GON4L: variants seen among roughly 807,000 people sequenced by gnomAD.
The protein encoded by GON4L is GON-4-like protein.
A neutral mutation model predicts 211.8 loss-of-function variants in GON4L; 87 were observed. The observed-to-expected ratio is 0.41, with a 90% CI of 0.35 to 0.49. GON4L has a LOEUF of 0.49. Ranked by LOEUF, GON4L falls within the 20% of genes least tolerant of loss-of-function variation. GON4L has a pLI of 0.15. For missense variants in GON4L, 2,155 were observed against 2,659.5 expected (o/e 0.81, Z 4.17); for synonymous variants, 875 against 962.6 (o/e 0.91, Z 1.68).
chr1:155,834,939 G>T (rs534327471), intron 2 of GON4L, among the ~76,000 whole-genome samples: 29 of 152,114 alleles, frequency 1.9e-4, no homozygotes, highest in African/African-American at 6.0e-4. Flanking sequence ...GGGAAGTGAG[G>T]AGCCCCTCTG....
chr1:155,759,715 C>T (rs984410367), intron 24 of GON4L, among the ~76,000 whole-genome samples: 2 of 151,724 alleles, frequency 1.3e-5, no homozygotes, highest in Non-Finnish European at 2.9e-5. Context: ...AGAATAATCC[C>T]GTTCCTCCCT....
At chr1:155,755,329 A>G (rs966820145) in intron 27 of GON4L, among the ~76,000 whole-genome samples, 9 of 152,206 alleles carry the variant, frequency 5.9e-5, no homozygotes, top group Middle Eastern at 3.4e-3. Flanking sequence ...TTGGCCTTGC[A>G]AAGTGCTGGC....
intron 5 of GON4L, among the ~76,000 whole-genome samples, chr1:155,821,273 A>T (rs1168560903): frequency 2.0e-5 from 3 of 151,182 alleles, no homozygotes; most frequent in Non-Finnish European, 3.0e-5. Flanking sequence ...CTCAAAAAAA[A>T]ATAATAATAA....
intron 2 of GON4L, among the ~76,000 whole-genome samples, chr1:155,837,985 T>C (rs962455059): frequency 5.9e-5 from 9 of 152,194 alleles, no homozygotes; most frequent in Admixed American, 5.2e-4. Context: ...TAATAAAGAC[T>C]GGGTGCTGTC....
At chr1:155,853,149 C>G in intron 2 of GON4L, 127 bp downstream of exon 2, 1 of 898,700 alleles carries the variant, frequency 1.1e-6, no homozygotes, top group Non-Finnish European at 1.9e-6. Flanking sequence ...CTTAGCAACA[C>G]AGCAGTTCCA....
chr1:155,845,681 G>T lies in GON4L; in HGVS notation c.505+7595C>A. 3 of 304,814 alleles carry T rather than the reference G, an allele frequency of 9.8e-6. No individual in the cohort carries two copies. In the South Asian group the frequency reaches 1.1e-4, roughly 11 times the overall value. 18.9% of individuals were successfully genotyped at this position (304,814 alleles called of 1,614,324 possible). On this transcript the variant is annotated intron_variant, in intron 2 of 31. Transcript: ENST00000368331. Reference sequence around the variant, plus strand: ...CATAGGCCCTAAACTACACAAGAATGACACTGCCTTCAATGAAATCATGAA... The same window carrying T: ...CATAGGCCCTAAACTACACAAGAATTACACTGCCTTCAATGAAATCATGAA...
At chr1:155,841,243 AT>A (rs1451678792) in intron 2 of GON4L, among the ~76,000 whole-genome samples, 1 of 152,146 alleles carries the variant, frequency 6.6e-6, no homozygotes, top group Non-Finnish European at 1.5e-5. Context: ...CTAATTCTTT[AT>A]GTGTTGTTTT....
At chr1:155,777,579 A>T in intron 15 of GON4L, 43 bp downstream of exon 15, 1 of 859,396 alleles carries the variant, frequency 1.2e-6, no homozygotes, top group Non-Finnish European at 1.7e-6. Context: ...ACTCTGTCTC[A>T]AAAAAAAAAA....
At chr1:155,769,643 TCCCCCTA>T (rs1662965527) in intron 19 of GON4L, among the ~76,000 whole-genome samples, 4 of 151,200 alleles carry the variant, frequency 2.6e-5, no homozygotes, top group Admixed American at 2.6e-4. Flanking sequence ...TCCAGCCCCA[TCCCCCTA>T]AAAATGCGAT....
intron 28 of GON4L, 26 bp downstream of exon 28, chr1:155,754,349 C>A: frequency 7.2e-7 from 1 of 1,381,696 alleles, no homozygotes; most frequent in South Asian, 1.2e-5. Flanking sequence ...CTCTGATACC[C>A]TCGGGACCCT....
At chr1:155,769,191 G>A (rs1157100299) in intron 19 of GON4L, among the ~76,000 whole-genome samples, 2 of 152,022 alleles carry the variant, frequency 1.3e-5, no homozygotes, top group Admixed American at 6.6e-5. Context: ...GCCCAGGCTG[G>A]TCTTGAACTC....
At chr1:155,826,779 T>G in intron 3 of GON4L, 58 bp downstream of exon 3, 1 of 1,154,940 alleles carries the variant, frequency 8.7e-7, no homozygotes, top group Non-Finnish European at 1.3e-6. Context: ...TGCAGTTTTC[T>G]ACATATTATA....
intron 10 of GON4L, among the ~76,000 whole-genome samples, chr1:155,807,703 C>CAAAAAAAAAAAAAAAAAAAAA (rs61248477): frequency 3.8e-5 from 2 of 52,886 alleles, no homozygotes; most frequent in Non-Finnish European, 3.0e-5. Context: ...GACTCCGTCT[C>CAAAAAAAAAAAAAAAAAAAAA]AAAAAAAAAA....
intron 31 of GON4L, among the ~76,000 whole-genome samples, chr1:155,751,104 A>G (rs1660532069): frequency 6.6e-6 from 1 of 151,966 alleles, no homozygotes; most frequent in Non-Finnish European, 1.5e-5. Context: ...TATGAAGCAC[A>G]ATATACTGAT....
At chr1:155,770,577 G>A (rs1382621181) in intron 19 of GON4L, among the ~76,000 whole-genome samples, 2 of 151,976 alleles carry the variant, frequency 1.3e-5, no homozygotes, top group Non-Finnish European at 2.9e-5. Flanking sequence ...AACCAGGTGC[G>A]GTGGCTCATG....
intron 9 of GON4L, 53 bp from the exon 10 acceptor site, chr1:155,813,857 G>C (rs1312598674): frequency 5.3e-6 from 8 of 1,517,750 alleles, no homozygotes; most frequent in Non-Finnish European, 5.5e-6. Flanking sequence ...GAAAGAAAGA[G>C]AAAGCAAAAA....
intron 3 of GON4L, among the ~76,000 whole-genome samples, chr1:155,825,753 G>C (rs1350062849): frequency 6.6e-6 from 1 of 151,460 alleles, no homozygotes; most frequent in Non-Finnish European, 1.5e-5. Flanking sequence ...TTTTTAATTA[G>C]CTGGCTGGGC....
At chr1:155,768,086 T>C (rs776806203) in intron 19 of GON4L, among the ~76,000 whole-genome samples, 3 of 151,992 alleles carry the variant, frequency 2.0e-5, no homozygotes, top group Non-Finnish European at 4.4e-5. Flanking sequence ...GCAGATTACC[T>C]AAGGTCAGGA....
At position 155,821,508 on chromosome 1, in the gene GON4L, G is replaced by T. The variant is rs760832096; in HGVS notation, c.929C>A (p.Ala310Glu). 6.2e-7 allele frequency: 1 copy of T among 1,605,174 alleles called. No individual in the cohort carries two copies. Residue 310 changes from alanine (A) to glutamate (E), a missense_variant, in exon 5 of 32, where the codon GCA becomes GAA. Physicochemically the swap from Ala to Glu is moderately radical, Grantham distance 107. This residue lies in a region of GON4L where 551 missense variants were observed against 854.0 expected (regional missense o/e 0.65). Transcript: ENST00000368331. ...CATATCTTCCGTCTCACTGATGGCT[G>T]CTTTCATCATAGCTACCACGTGTTC... ...TNEHVVAMMK[A>E]AISETEDMPM...
Sources: gnomAD v4.1 joint callset for allele counts (sites outside exome capture counted in the v4.1 genomes callset) on GRCh38, gnomAD v4.1.1 for gene constraint, gnomAD v4.1.1 regional missense constraint, MANE v1.5 for transcripts, NCBI Gene and HGNC (gene_info 2026-07-23, HGNC 2026-07-21) for gene names.